The following SPATA17 variants were observed in gnomAD, a reference collection of about 807,000 sequenced individuals.
The protein encoded by SPATA17 is spermatogenesis associated 17.
SPATA17 carries 53 observed loss-of-function variants against 62.2 expected under a neutral mutation model. That is an observed-to-expected ratio of 0.85 (90% CI 0.68 to 1.07). SPATA17 has a LOEUF of 1.07. SPATA17 is among the 50% of genes least tolerant of loss of function. The pLI is 0.00. For missense variants in SPATA17, 466 were observed against 425.5 expected (o/e 1.10, Z -0.84); for synonymous variants, 146 against 146.8 (o/e 0.99, Z 0.04).
intron 5 of SPATA17, among the ~76,000 whole-genome samples, chr1:217,725,909 T>C (rs1672248743): frequency 6.6e-6 from 1 of 152,248 alleles, no homozygotes; most frequent in East Asian, 1.9e-4. Flanking sequence ...TATGATTGTC[T>C]TAATATAGGC....
intron 6 of SPATA17, among the ~76,000 whole-genome samples, chr1:217,758,800 A>G (rs1237675985): frequency 6.6e-6 from 1 of 152,202 alleles, no homozygotes; most frequent in Non-Finnish European, 1.5e-5. Context: ...GAATGAACTT[A>G]TGGGTAACAA....
chr1:217,812,500 C>T (rs2102992661), intron 9 of SPATA17, among the ~76,000 whole-genome samples: 1 of 152,110 alleles, frequency 6.6e-6, no homozygotes, highest in African/African-American at 2.4e-5. Context: ...ATATAATTTA[C>T]TCATTTTTTT....
intron 3 of SPATA17, chr1:217,665,157 T>C (rs1023777794): frequency 1.3e-5 from 2 of 152,174 alleles, no homozygotes; most frequent in Non-Finnish European, 2.9e-5. Context: ...ATTCACTTGA[T>C]AGAGAAAAAA....
intron 5 of SPATA17, among the ~76,000 whole-genome samples, chr1:217,724,769 T>A (rs1672223337): frequency 6.6e-6 from 1 of 152,142 alleles, no homozygotes; most frequent in South Asian, 2.1e-4. Flanking sequence ...TTAATTTGAA[T>A]ATCTTTAGTA....
At chr1:217,848,422 T>C (rs1402200259) in intron 9 of SPATA17, among the ~76,000 whole-genome samples, 1 of 152,156 alleles carries the variant, frequency 6.6e-6, no homozygotes, top group African/African-American at 2.4e-5. Flanking sequence ...AGTAAGCAAA[T>C]ATTCAGCTTT....
intron 8 of SPATA17, among the ~76,000 whole-genome samples, chr1:217,788,293 A>G (rs959871462): frequency 2.0e-5 from 3 of 152,212 alleles, no homozygotes; most frequent in East Asian, 1.9e-4. Flanking sequence ...CCAAAATACA[A>G]TAGGTTTAGG....
chr1:217,735,406 C>T (rs988953913), intron 5 of SPATA17, among the ~76,000 whole-genome samples: 1 of 152,140 alleles, frequency 6.6e-6, no homozygotes. Flanking sequence ...GCACTAATCC[C>T]ATTCAATGGG....
intron 9 of SPATA17, among the ~76,000 whole-genome samples, chr1:217,861,726 T>C (rs1442781114): frequency 6.6e-6 from 1 of 152,184 alleles, no homozygotes; most frequent in East Asian, 1.9e-4. Context: ...TCATATTAAT[T>C]AATTTGCCTT....
intron 1 of SPATA17, among the ~76,000 whole-genome samples, chr1:217,648,347 A>G (rs142151834): frequency 2.0e-5 from 3 of 152,232 alleles, no homozygotes; most frequent in Middle Eastern, 3.4e-3. Flanking sequence ...TCTTATCTCT[A>G]TATAAACCCT....
chr1:217,657,815 C>A (rs1467215713), intron 3 of SPATA17, among the ~76,000 whole-genome samples: 1 of 152,122 alleles, frequency 6.6e-6, no homozygotes, highest in Non-Finnish European at 1.5e-5. Flanking sequence ...TTTCATGCTG[C>A]TGATAAAAAC....
At chr1:217,815,866 T>G (rs1046195581) in intron 9 of SPATA17, among the ~76,000 whole-genome samples, 2 of 152,300 alleles carry the variant, frequency 1.3e-5, no homozygotes, top group East Asian at 3.9e-4. Context: ...GCCAGTTCTT[T>G]AAAATAAATT....
At chr1:217,827,509 T>C (rs1675024468) in intron 9 of SPATA17, among the ~76,000 whole-genome samples, 1 of 152,128 alleles carries the variant, frequency 6.6e-6, no homozygotes, top group South Asian at 2.1e-4. Flanking sequence ...ATCCAGGATT[T>C]AACCCAGCAA....
chr1:217,641,595 T>C (rs1483728024), intron 1 of SPATA17, among the ~76,000 whole-genome samples: 1 of 152,170 alleles, frequency 6.6e-6, no homozygotes, highest in Non-Finnish European at 1.5e-5. Context: ...ACACAGTATC[T>C]GAAATTTAAA....
chr1:217,741,873 A>G (rs1173654018), intron 5 of SPATA17, 102 bp from the exon 6 acceptor site: 2 of 1,266,904 alleles, frequency 1.6e-6, no homozygotes, highest in Non-Finnish European at 1.1e-6. Flanking sequence ...TTGGATGGAT[A>G]TGGATGATGG....
intron 5 of SPATA17, among the ~76,000 whole-genome samples, chr1:217,705,430 CTTTTTT>C (rs58138326): frequency 2.1e-5 from 1 of 46,628 alleles, no homozygotes; most frequent in Admixed American, 3.8e-4. Context: ...TTCTAGTTGT[CTTTTTT>C]TTTTTTTTTT....
chr1:217,727,819 C>T (rs1672303540), intron 5 of SPATA17, among the ~76,000 whole-genome samples: 1 of 152,178 alleles, frequency 6.6e-6, no homozygotes, highest in African/African-American at 2.4e-5. Flanking sequence ...ATCTCACCTA[C>T]ACCAATGAAT....
intron 6 of SPATA17, among the ~76,000 whole-genome samples, chr1:217,772,724 G>A (rs1673480795): frequency 6.6e-6 from 1 of 152,248 alleles, no homozygotes; most frequent in South Asian, 2.1e-4. Flanking sequence ...TTTATTGAGT[G>A]CCTACTAAGT....
At chr1:217,795,638 G>T (rs1234586833) in intron 8 of SPATA17, among the ~76,000 whole-genome samples, 1 of 149,782 alleles carries the variant, frequency 6.7e-6, no homozygotes, top group African/African-American at 2.5e-5. Flanking sequence ...CCAAAGTGCT[G>T]GGATTACAGA....
rs563304291 is a variant in SPATA17, at chr1:217,803,038, A to G, written c.1005+1188A>G. 3.9e-5 allele frequency among the ~76,000 whole-genome samples: 6 copies of G among 152,072 alleles called. No homozygotes were observed. The South Asian group carries it at 6.2e-4, about 16-fold the overall frequency. ...AGTGATTCTCCTGCCTCAACCTCCC[A>G]AGCAGCTGGGACTACAGGCGCATGC... On this transcript the variant is annotated intron_variant, in intron 9 of 10. Transcript: ENST00000366933.
Sources: allele counts gnomAD v4.1 joint callset (sites outside exome capture counted in the v4.1 genomes callset), GRCh38; gene constraint gnomAD v4.1.1; transcripts MANE v1.5; gene names NCBI Gene and HGNC (gene_info 2026-07-23, HGNC 2026-07-21).